SLC39A11: variants seen among roughly 807,000 people sequenced by gnomAD.
The protein encoded by SLC39A11 is zinc transporter ZIP11.
SLC39A11 carries 33 observed loss-of-function variants against 36.1 expected under a neutral mutation model. The observed-to-expected ratio is 0.91, with a 90% CI of 0.69 to 1.22. The LOEUF is 1.22. Among genes scored for constraint, SLC39A11 ranks in the 50% most tolerant of loss-of-function variants. The pLI is 0.00. For synonymous variants in SLC39A11, 166 were observed against 170.3 expected (o/e 0.97, Z 0.20); for missense variants, 432 against 430.3 (o/e 1.00, Z -0.03).
Position 72,845,399 on chromosome 17 carries a change from G to T in SLC39A11, c.601+4235C>A, listed in dbSNP as rs9916487. Among the ~76,000 whole-genome samples the T allele has an allele frequency of 1.5e-4, 23 of 152,160 alleles. 1 individual carries two copies. The highest frequency in any genetic ancestry group is 5.3e-4 in the African/African-American group (22 of 41,484). ...GGGGCCAGACATGCTCCTGCCTCAG[G>T]GCCTTTGCACTGGCTGTTCCCTCTG... is the stretch of plus-strand genomic sequence containing the variant. On this transcript the variant is annotated intron_variant, in intron 6 of 9. Transcript: ENST00000255559.
chr17:72,934,357 T>C (rs1033678255), intron 5 of SLC39A11, among the ~76,000 whole-genome samples: 7 of 152,144 alleles, frequency 4.6e-5, no homozygotes, highest in Non-Finnish European at 7.4e-5. Context: ...AGGTCCTCTA[T>C]GCAGAATACA....
chr17:73,087,706 G>C (rs1168871314), intron 2 of SLC39A11, among the ~76,000 whole-genome samples: 1 of 152,076 alleles, frequency 6.6e-6, no homozygotes, highest in Non-Finnish European at 1.5e-5. Context: ...GTTGTGGGAG[G>C]AGGGAGAGAT....
At position 72,698,681 on chromosome 17, in the gene SLC39A11, G is replaced by A. The variant is rs114226263; in HGVS notation, c.671+37969C>T. On this transcript the variant is annotated intron_variant, in intron 7 of 9. Transcript: ENST00000255559. ...ATTCATTCAGCAAATATTTATTTGT[G>A]CCATATATTCTTCTAGCTACTGAGA... Among the ~76,000 whole-genome samples, 669 of 152,252 alleles carry A rather than the reference G, an allele frequency of 4.4e-3. 2 individuals are homozygous for A. The highest frequency in any genetic ancestry group is 0.014 in the African/African-American group (599 of 41,534).
In SLC39A11 at chr17:73,029,810, G is replaced by A. The variant is rs560284570; in HGVS notation, c.306+1746C>T. On this transcript the variant is annotated intron_variant, in intron 4 of 9. Transcript: ENST00000255559. ...TTACCCAGGCTGGTCTCTAACTCCTGGCCTCAAGTGATCTGCCCGCCTCAG... is the reference window on the plus strand; with the variant it reads ...TTACCCAGGCTGGTCTCTAACTCCTAGCCTCAAGTGATCTGCCCGCCTCAG... Among the ~76,000 whole-genome samples, 16 of 152,224 alleles carry A rather than the reference G, an allele frequency of 1.1e-4. No individual in the cohort carries two copies. In the South Asian group the frequency reaches 3.3e-3, roughly 32 times the overall value.
chr17:72,986,389 C>T (rs2088760047), intron 4 of SLC39A11, among the ~76,000 whole-genome samples: 1 of 152,212 alleles, frequency 6.6e-6, no homozygotes, highest in Non-Finnish European at 1.5e-5. Flanking sequence ...CCCGGTGAAG[C>T]TTTTTAGAAA....
intron 6 of SLC39A11, among the ~76,000 whole-genome samples, chr17:72,753,889 C>CAAA (rs35076559): frequency 2.2e-3 from 114 of 51,900 alleles, no homozygotes; most frequent in African/African-American, 6.1e-3. Flanking sequence ...AGTCATTATA[C>CAAA]AAAAAAAAAA....
chr17:73,026,907 C>A (rs948193726), intron 4 of SLC39A11, among the ~76,000 whole-genome samples: 10 of 151,870 alleles, frequency 6.6e-5, no homozygotes, highest in African/African-American at 2.4e-4. Flanking sequence ...TGCTTGAGCT[C>A]AGGAGTTCAA....
intron 4 of SLC39A11, among the ~76,000 whole-genome samples, chr17:72,959,549 G>C (rs918117325): frequency 6.6e-6 from 1 of 151,420 alleles, no homozygotes; most frequent in African/African-American, 2.4e-5. Flanking sequence ...ATGATACAAC[G>C]GACTTTGGGA....
chr17:72,788,802 T>C (rs754442396), intron 6 of SLC39A11, among the ~76,000 whole-genome samples: 3 of 152,214 alleles, frequency 2.0e-5, no homozygotes. Context: ...TGGGATCAGA[T>C]GCTGTGTATT....
chr17:73,066,697 T>C (rs2060006116), intron 3 of SLC39A11, among the ~76,000 whole-genome samples: 1 of 152,122 alleles, frequency 6.6e-6, no homozygotes, highest in Admixed American at 6.5e-5. Context: ...TGGCCTGTCA[T>C]GGGAAACAGC....
chr17:72,722,002 C>A (rs780317107), intron 7 of SLC39A11, among the ~76,000 whole-genome samples: 1 of 148,254 alleles, frequency 6.7e-6, no homozygotes, highest in Non-Finnish European at 1.5e-5. Context: ...CCCTGTAACT[C>A]AGCTGTGAAT....
intron 4 of SLC39A11, among the ~76,000 whole-genome samples, chr17:72,966,379 C>T (rs1409324300): frequency 1.3e-5 from 2 of 152,080 alleles, no homozygotes; most frequent in African/African-American, 4.8e-5. Flanking sequence ...TACCGCCCCC[C>T]ACAGAGGGAG....
chr17:72,703,153 G>A (rs547677916), intron 7 of SLC39A11, among the ~76,000 whole-genome samples: 1 of 152,030 alleles, frequency 6.6e-6, no homozygotes, highest in African/African-American at 2.4e-5. Flanking sequence ...CTTTTCCTGA[G>A]ATATTAGGGG....
At chr17:73,064,761 G>A (rs1298561170) in intron 3 of SLC39A11, among the ~76,000 whole-genome samples, 2 of 152,114 alleles carry the variant, frequency 1.3e-5, no homozygotes, top group Non-Finnish European at 2.9e-5. Flanking sequence ...TGATCCATCC[G>A]GCATCCAACC....
Position 73,088,261 on chromosome 17 carries a change from G to A in SLC39A11, c.108+396C>T, listed in dbSNP as rs536382234. 1.8e-4 allele frequency among the ~76,000 whole-genome samples: 27 copies of A among 147,108 alleles called. No individual in the cohort carries two copies. In the South Asian group the frequency reaches 4.9e-3, roughly 27 times the overall value. ...GAGAGCTGAGATCCTGCCACTGCAC[G>A]CCAGGCTGGGCAACAGAGCAAGATT... On this transcript the variant is annotated intron_variant, in intron 2 of 9. Transcript: ENST00000255559.
rs150468861 is a variant in SLC39A11 at position 72,651,263 on chromosome 17, G to A, written c.672-1995C>T. On this transcript the variant is annotated intron_variant, in intron 7 of 9. Coordinates refer to ENST00000255559, the MANE Select transcript of SLC39A11 (RefSeq NM_139177.4). ...AAAATCTGCCCCTGTGTGCAACAGCGTTGAGAGCCACTGGCCTAAGCAGGC... is the reference window on the plus strand; with the variant it reads ...AAAATCTGCCCCTGTGTGCAACAGCATTGAGAGCCACTGGCCTAAGCAGGC... Among the ~76,000 whole-genome samples the A allele has an allele frequency of 1.5e-3, 229 of 152,248 alleles. 7 individuals are homozygous for A. In the East Asian group the frequency reaches 0.039, roughly 26 times the overall value.
intron 3 of SLC39A11, among the ~76,000 whole-genome samples, chr17:73,061,084 G>T (rs1057218681): frequency 6.6e-6 from 1 of 152,176 alleles, no homozygotes; most frequent in Non-Finnish European, 1.5e-5. Flanking sequence ...AGAACTCACC[G>T]AGCGTGGTGG....
chr17:72,734,971 C>A (rs1477040831), intron 7 of SLC39A11, among the ~76,000 whole-genome samples: 1 of 152,184 alleles, frequency 6.6e-6, no homozygotes, highest in Non-Finnish European at 1.5e-5. Context: ...CATGCCCCCA[C>A]CCCAGGCCCC....
chr17:73,002,441 C>T (rs370448611), intron 4 of SLC39A11, among the ~76,000 whole-genome samples: 25 of 152,254 alleles, frequency 1.6e-4, no homozygotes, highest in African/African-American at 6.0e-4. Flanking sequence ...ATTTAGAAGT[C>T]AGGGATCAAA....
Sources: allele counts gnomAD v4.1 joint callset (sites outside exome capture counted in the v4.1 genomes callset), GRCh38; gene constraint gnomAD v4.1.1; transcripts MANE v1.5; gene names NCBI Gene and HGNC (gene_info 2026-07-23, HGNC 2026-07-21).